Variants in GALNT3 observed in about 807,000 individuals in gnomAD.
GALNT3 encodes the protein GalNAc transferase 3.
In GALNT3, 51 loss-of-function variants were observed where a neutral mutation model predicts 69.8. The observed-to-expected ratio is 0.73, with a 90% CI of 0.58 to 0.92. The LOEUF (loss-of-function observed/expected upper bound fraction) is 0.92. Among genes scored for constraint, GALNT3 ranks in the 40% least tolerant of loss-of-function variants. GALNT3 has a pLI of 0.00. For synonymous variants in GALNT3, 265 were observed against 248.5 expected, an observed-to-expected ratio of 1.07 and a Z score of -0.63; for missense variants, 711 against 760.0, an observed-to-expected ratio of 0.94 and a Z score of 0.76.
chr2:165,749,974 G>C, intron 9 of GALNT3, 80 bp from the exon 10 acceptor site: 1 of 1,209,006 alleles, frequency 8.3e-7, no homozygotes, highest in Non-Finnish European at 1.2e-6. Context: ...TCAGCAACTC[G>C]TTAAATAATA....
At chr2:165,776,157 A>G (rs1457677677) in intron 1 of GALNT3, among the ~76,000 whole-genome samples, 1 of 152,206 alleles carries the variant, frequency 6.6e-6, no homozygotes, top group African/African-American at 2.4e-5. Context: ...GATACACAAT[A>G]AATAAATGAG....
rs1474370689 is a variant in GALNT3 at position 165,770,940 on chromosome 2, C to T, written c.-108-132G>A. On this transcript the variant is annotated intron_variant, in intron 1 of 10. Transcript: ENST00000392701. ...ATGGTTAATGAGAATACAAAGATAT[C>T]TTGTCCTCAAGAAAATTACACTTTT... 18 of 390,058 alleles carry T rather than the reference C, an allele frequency of 4.6e-5. No individual in the cohort carries two copies. The Admixed American group carries it at 7.4e-4, about 16-fold the overall frequency. 24.2% of individuals were successfully genotyped at this position (390,058 alleles called of 1,614,324 possible). A position where few individuals can be genotyped will look rare whatever the true frequency, so the allele number is the denominator to read the frequency against.
chr2:165,783,752 C>T (rs1311728640), intron 1 of GALNT3, among the ~76,000 whole-genome samples: 1 of 152,060 alleles, frequency 6.6e-6, no homozygotes, highest in Non-Finnish European at 1.5e-5. Context: ...TTTACTAACC[C>T]CTGCTCTAGA....
At chr2:165,775,593 T>C (rs531890163) in intron 1 of GALNT3, among the ~76,000 whole-genome samples, 163 of 152,334 alleles carry the variant, frequency 1.1e-3, no homozygotes, top group Non-Finnish European at 1.9e-3. Context: ...TAGGCTTCCA[T>C]TAATGCTGAA....
intron 3 of GALNT3, among the ~76,000 whole-genome samples, chr2:165,763,480 C>A (rs940825633): frequency 4.6e-5 from 7 of 152,102 alleles, no homozygotes; most frequent in African/African-American, 1.7e-4. Flanking sequence ...CTTTTTAACA[C>A]CTTCTAACTA....
At chr2:165,768,682 A>G (rs1298063642) in intron 2 of GALNT3, among the ~76,000 whole-genome samples, 1 of 152,222 alleles carries the variant, frequency 6.6e-6, no homozygotes, top group Non-Finnish European at 1.5e-5. Flanking sequence ...GAGTGAAACA[A>G]TAGACCAAAA....
intron 1 of GALNT3, among the ~76,000 whole-genome samples, chr2:165,793,208 C>A (rs1683389025): frequency 6.6e-6 from 1 of 152,140 alleles, no homozygotes; most frequent in Non-Finnish European, 1.5e-5. Flanking sequence ...GATCCTGAAA[C>A]AATGTTTTTT....
At chr2:165,751,715 G>C (rs1266923836) in intron 9 of GALNT3, among the ~76,000 whole-genome samples, 3 of 152,072 alleles carry the variant, frequency 2.0e-5, no homozygotes, top group Non-Finnish European at 4.4e-5. Flanking sequence ...CATTACACTA[G>C]TAATATTGGC....
intron 1 of GALNT3, among the ~76,000 whole-genome samples, chr2:165,785,363 C>T (rs1344371437): frequency 3.9e-5 from 6 of 152,016 alleles, no homozygotes; most frequent in African/African-American, 1.5e-4. Flanking sequence ...AGGGAAAAAA[C>T]ATACATATTG....
intron 2 of GALNT3, among the ~76,000 whole-genome samples, chr2:165,767,869 C>CTTTT (rs34044047): frequency 1.2e-4 from 10 of 82,468 alleles, no homozygotes; most frequent in East Asian, 3.3e-4. Context: ...AAAAACAAAT[C>CTTTT]TTTTTTTTTT....
chr2:165,770,582 T>A lies in GALNT3; in HGVS notation c.119A>T (p.Glu40Val). The A allele has an allele frequency of 6.2e-7, 1 of 1,610,560 alleles. No homozygotes were observed. Among genetic ancestry groups the A allele is most frequent in the Non-Finnish European group, 8.5e-7 (1 of 1,178,306 alleles). ...CTCTTTGGAATATTGAACACTTACTTCTCTTTGCATTAAAACCAAAACTAT... is the reference window on the plus strand; with the variant it reads ...CTCTTTGGAATATTGAACACTTACTACTCTTTGCATTAAAACCAAAACTAT... ...FIIVLVLMQR[E>V]VSVQYSKEES... Residue 40 changes from glutamate (E) to valine (V), a missense_variant, in exon 2 of 11, where the codon GAA becomes GTA. Physicochemically the swap from Glu to Val is moderately radical, Grantham distance 121. Coordinates refer to ENST00000392701, the MANE Select transcript of GALNT3 (RefSeq NM_004482.4).
At chr2:165,782,769 G>A (rs926503475) in intron 1 of GALNT3, among the ~76,000 whole-genome samples, 1 of 152,170 alleles carries the variant, frequency 6.6e-6, no homozygotes, top group African/African-American at 2.4e-5. Context: ...ATAGTCTCTG[G>A]TAAATGGCTA....
intron 6 of GALNT3, among the ~76,000 whole-genome samples, chr2:165,758,010 G>A (rs978969029): frequency 2.0e-5 from 3 of 152,156 alleles, no homozygotes; most frequent in African/African-American, 7.2e-5. Context: ...TTGAACAAAT[G>A]AGAAGACTCA....
At chr2:165,786,322 A>G (rs946624600) in intron 1 of GALNT3, among the ~76,000 whole-genome samples, 1 of 152,114 alleles carries the variant, frequency 6.6e-6, no homozygotes, top group East Asian at 1.9e-4. Context: ...AGTTGACTGG[A>G]TTTTTATTGT....
chr2:165,783,411 A>G (rs968049960), intron 1 of GALNT3, among the ~76,000 whole-genome samples: 1 of 152,200 alleles, frequency 6.6e-6, no homozygotes, highest in African/African-American at 2.4e-5. Flanking sequence ...ATATTAAGGA[A>G]TAGGGGGTGA....
Position 165,776,952 on chromosome 2 carries a change from C to G in GALNT3, c.-108-6144G>C, listed in dbSNP as rs543626294. On this transcript the variant is annotated intron_variant, in intron 1 of 10. Coordinates refer to ENST00000392701, the MANE Select transcript of GALNT3 (RefSeq NM_004482.4). ...AGAAGGGAAAATATCAAGGTAAGATCCATCATGATTGTCCCTCTAGGTGAA... is the reference window on the plus strand; with the variant it reads ...AGAAGGGAAAATATCAAGGTAAGATGCATCATGATTGTCCCTCTAGGTGAA... 7.6e-4 allele frequency among the ~76,000 whole-genome samples: 116 copies of G among 152,238 alleles called. 1 individual carries two copies. The highest frequency in any genetic ancestry group is 2.5e-3 in the African/African-American group (103 of 41,562).
At chr2:165,778,986 G>A (rs1683041466) in intron 1 of GALNT3, among the ~76,000 whole-genome samples, 1 of 152,182 alleles carries the variant, frequency 6.6e-6, no homozygotes, top group African/African-American at 2.4e-5. Flanking sequence ...TGACTTAGGT[G>A]ACAGAGCAGG....
At chr2:165,756,469 G>A (rs529392106) in intron 7 of GALNT3, among the ~76,000 whole-genome samples, 1 of 152,170 alleles carries the variant, frequency 6.6e-6, no homozygotes, top group South Asian at 2.1e-4. Flanking sequence ...GAGAGAGACA[G>A]CATGCGTATT....
chr2:165,764,876 T>G lies in GALNT3; in HGVS notation c.688+8A>C. On this transcript the variant is annotated splice_region_variant and intron_variant, in intron 3 of 10. Transcript: ENST00000392701. ...GGGAAACAATCTAATTTGCATGTGC[T>G]TTCTTACCATCTACACTAGCATCAT... 1.2e-6 allele frequency: 2 copies of G among 1,613,872 alleles called. No individual in the cohort carries two copies. Among genetic ancestry groups the G allele is most frequent in the Admixed American group, 3.3e-5 (2 of 60,000 alleles).
Sources: gnomAD v4.1 joint callset for allele counts (sites outside exome capture counted in the v4.1 genomes callset) on GRCh38, gnomAD v4.1.1 for gene constraint, MANE v1.5 for transcripts, NCBI Gene and HGNC (gene_info 2026-07-23, HGNC 2026-07-21) for gene names.